The following C16orf96 variants were observed in gnomAD, a reference collection of about 807,000 sequenced individuals.
C16orf96 encodes chromosome 16 open reading frame 96.
In C16orf96, 108 loss-of-function variants were observed where a neutral mutation model predicts 103.6. The ratio of observed to expected loss-of-function variants is 1.04; its 90% CI spans 0.89 to 1.22. The LOEUF is 1.22. Among genes scored for constraint, C16orf96 ranks in the 50% most tolerant of loss-of-function variants. The pLI, the probability that C16orf96 is intolerant of heterozygous loss-of-function variation, is 0.00. For synonymous variants in C16orf96, 566 were observed against 593.5 expected, an observed-to-expected ratio of 0.95 and a Z score of 0.67; for missense variants, 1,586 against 1,464.2, an observed-to-expected ratio of 1.08 and a Z score of -1.36.
chr16:4,538,867 T>G, the C16orf96 span: 11 of 152,270 alleles, frequency 7.2e-5, no homozygotes. Context: ...TGCGCCGTGA[T>G]GACGTCAGTG....
At chr16:4,566,304 A>G (rs2059384962) in intron 1 of C16orf96, among the ~76,000 whole-genome samples, 1 of 152,236 alleles carries the variant, frequency 6.6e-6, no homozygotes. Context: ...GCAGCAGTGT[A>G]TGAGAATTAC....
chr16:4,543,318 G>A, the C16orf96 span, among the ~76,000 whole-genome samples: 3 of 152,140 alleles, frequency 2.0e-5, no homozygotes, highest in African/African-American at 7.2e-5. Context: ...AGTTCTGTAT[G>A]GTTGGGTGGT....
chr16:4,586,034 C>T (rs946195295), intron 7 of C16orf96, among the ~76,000 whole-genome samples: 1 of 152,076 alleles, frequency 6.6e-6, no homozygotes, highest in East Asian at 1.9e-4. Flanking sequence ...CTGAGGCAGG[C>T]GAATCATTTG....
At chr16:4,548,792 G>C in the C16orf96 span, among the ~76,000 whole-genome samples, 1 of 150,946 alleles carries the variant, frequency 6.6e-6, no homozygotes, top group Non-Finnish European at 1.5e-5. Flanking sequence ...AGAATCGCTT[G>C]AACCCGGGAG....
Position 4,593,983 on chromosome 16 carries a change from G to C in C16orf96, c.2868-368G>C, listed in dbSNP as rs946699071. On this transcript the variant is annotated intron_variant, in intron 12 of 15. Transcript: ENST00000444310. The surrounding 1 kb of genome is among the most constrained non-coding windows in gnomAD (Gnocchi z 4.2). The stretch of plus-strand genomic sequence containing the variant: ...CTGCTGTGGGGACGTCTGGCCAGGT[G>C]GGGGAAGAACCGGTGAATCGTCACC... 6.6e-6 allele frequency among the ~76,000 whole-genome samples: 1 copy of C among 152,158 alleles called. No homozygotes were observed. Among genetic ancestry groups the C allele is most frequent in the Non-Finnish European group, 1.5e-5 (1 of 68,014 alleles).
intron 4 of C16orf96, 21 bp downstream of exon 4, chr16:4,575,079 A>G: frequency 6.4e-7 from 1 of 1,550,928 alleles, no homozygotes; most frequent in East Asian, 2.4e-5. Context: ...AAGGAAGGGG[A>G]GGTTAGCAGG....
chr16:4,542,070 A>C, the C16orf96 span, among the ~76,000 whole-genome samples: 16 of 152,332 alleles, frequency 1.1e-4, no homozygotes, highest in South Asian at 3.3e-3. Flanking sequence ...ACCAGCACAT[A>C]TGTAATCCAG....
intron 7 of C16orf96, among the ~76,000 whole-genome samples, chr16:4,584,887 T>A (rs1596532820): frequency 6.6e-6 from 1 of 152,038 alleles, no homozygotes; most frequent in African/African-American, 2.4e-5. Context: ...GCTAGGCTGG[T>A]CTCGAACTCC....
intron 9 of C16orf96, among the ~76,000 whole-genome samples, chr16:4,589,021 G>C (rs138733056): frequency 6.6e-6 from 1 of 152,054 alleles, no homozygotes; most frequent in Non-Finnish European, 1.5e-5. Context: ...ACACTTCCCC[G>C]GGGTCTGACA....
At chr16:4,547,831 C>A in the C16orf96 span, among the ~76,000 whole-genome samples, 4 of 148,864 alleles carry the variant, frequency 2.7e-5, no homozygotes, top group South Asian at 4.4e-4. Flanking sequence ...ATAAGGTCTC[C>A]CAGTATTGCC....
chr16:4,575,014 G>C lies in C16orf96; in HGVS notation c.649G>C (p.Asp217His), dbSNP rs1237901861. 1.3e-6 allele frequency: 2 copies of C among 1,551,514 alleles called. No homozygotes were observed. The highest frequency in any genetic ancestry group is 8.7e-7 in the Non-Finnish European group (1 of 1,147,012). ...GTTTAAAACCATCCCCAAAACCGAG[G>C]ACATGGTGCTCTGGAGTGGCCTTCA... The part of the protein sequence containing the change: ...NKFKTIPKTE[D>H]MVLWSGLHDA... The change falls in exon 4 of 16, where the codon GAC becomes CAC. Residue 217 changes from aspartate (D) to histidine (H), a missense_variant. Transcript: ENST00000444310.
intron 6 of C16orf96, among the ~76,000 whole-genome samples, chr16:4,579,446 C>T (rs2059555126): frequency 2.0e-5 from 3 of 150,540 alleles, no homozygotes; most frequent in South Asian, 2.1e-4. Flanking sequence ...CCCAACTACT[C>T]GGGAGGCTGA....
intron 2 of C16orf96, among the ~76,000 whole-genome samples, chr16:4,573,476 G>GGGC (rs1567444268): frequency 1.3e-5 from 2 of 149,012 alleles, no homozygotes; most frequent in African/African-American, 4.9e-5. Context: ...TCGGTGGGGC[G>GGGC]GCATGGTGGT....
In C16orf96 at chr16:4,575,526, C is replaced by T. The variant is rs1479352468; in HGVS notation, c.1046C>T (p.Ala349Val). 3 of 1,545,310 alleles carry T rather than the reference C, an allele frequency of 1.9e-6. No homozygotes were observed. The Admixed American group carries it at 5.9e-5, about 30-fold the overall frequency. Residue 349 changes from alanine (A) to valine (V), a missense_variant, in exon 5 of 16, where the codon GCC becomes GTC. Physicochemically the swap from Ala to Val is moderately conservative, Grantham distance 64 (BLOSUM62 0). Coordinates refer to ENST00000444310, the MANE Select transcript of C16orf96 (RefSeq NM_001145011.2). ...GGGCTGGAGCTGGAGCCTGTGCCTGCCCTGGGGCCTGTCCCAGGGCCCAGT... is the reference window on the plus strand; with the variant it reads ...GGGCTGGAGCTGGAGCCTGTGCCTGTCCTGGGGCCTGTCCCAGGGCCCAGT... ...ELGLELEPVPALGPVPGPSVT... is the reference protein window; with the variant it reads ...ELGLELEPVPVLGPVPGPSVT...
At chr16:4,587,451 C>T (rs991750480) in intron 8 of C16orf96, among the ~76,000 whole-genome samples, 5 of 149,898 alleles carry the variant, frequency 3.3e-5, no homozygotes, top group Non-Finnish European at 7.4e-5. Flanking sequence ...TCACTTGAAC[C>T]TGGGAGGCAG....
At position 4,575,949 on chromosome 16, in the gene C16orf96, A is replaced by G; in HGVS notation, c.1469A>G (p.Lys490Arg). The change falls in exon 5 of 16, where the codon AAA (lysine) becomes AGA (arginine). Residue 490 changes from lysine to arginine, a missense_variant. By Grantham distance (26) the Lys-to-Arg change is conservative. Transcript: ENST00000444310. Reference protein sequence around the residue: ...KDRTRKDGVPKDRGGKDVDPK... With the variant: ...KDRTRKDGVPRDRGGKDVDPK... ...AGAACTCGCAAGGATGGGGTCCCCA[A>G]AGATAGAGGTGGCAAGGATGTGGAC... The G allele has an allele frequency of 1.3e-6, 2 of 1,550,004 alleles. No individual in the cohort carries two copies. The highest frequency in any genetic ancestry group is 2.4e-5 in the South Asian group (2 of 83,962).
chr16:4,588,386 T>G (rs2141751507), intron 9 of C16orf96, 55 bp downstream of exon 9: 23 of 1,502,470 alleles, frequency 1.5e-5, no homozygotes, highest in Non-Finnish European at 2.1e-5. Context: ...ACCCAGAACT[T>G]AGCAACTGCA....
Position 4,593,172 on chromosome 16 carries a change from G to A in C16orf96, c.2775-52G>A. ...TGGAGGGGTGGGAGACGAGCCCTCTGCTGGCCTAGCACGCCTCCCACAGCC... is the reference window on the plus strand; with the variant it reads ...TGGAGGGGTGGGAGACGAGCCCTCTACTGGCCTAGCACGCCTCCCACAGCC... On this transcript the variant is annotated intron_variant, in intron 11 of 15. Coordinates refer to ENST00000444310, the MANE Select transcript of C16orf96 (RefSeq NM_001145011.2). The surrounding 1 kb of genome is among the most constrained non-coding windows in gnomAD (Gnocchi z 4.2). 6.6e-7 allele frequency: 1 copy of A among 1,507,520 alleles called. No individual in the cohort carries two copies. The highest frequency in any genetic ancestry group is 9.0e-7 in the Non-Finnish European group (1 of 1,108,508). The allele number at this position is 1,507,520 out of a possible 1,614,324, so 93.4% of individuals were successfully genotyped here.
At chr16:4,599,447 AC>A (rs1212202942) in intron 15 of C16orf96, 83 bp downstream of exon 15, 3 of 1,212,102 alleles carry the variant, frequency 2.5e-6, no homozygotes, top group African/African-American at 3.1e-5. Flanking sequence ...CATCCCCCAC[AC>A]CCCGCCTGGG....
Sources: allele counts gnomAD v4.1 joint callset (sites outside exome capture counted in the v4.1 genomes callset), GRCh38; gene constraint gnomAD v4.1.1; non-coding constraint Gnocchi (gnomAD v3.1); transcripts MANE v1.5; gene names NCBI Gene and HGNC (gene_info 2026-07-23, HGNC 2026-07-21).